Variants in CTNNA3 observed in about 807,000 individuals in gnomAD.
CTNNA3 encodes catenin alpha 3, also known as catenin alpha-3.
Under a neutral mutation model 95.7 loss-of-function variants are expected in CTNNA3, and 76 were observed. That is an observed-to-expected ratio of 0.79 (90% confidence interval 0.66 to 0.96). The LOEUF is 0.96. Ranked by LOEUF, CTNNA3 falls within the 40% of genes least tolerant of loss-of-function variation. The pLI, the probability that CTNNA3 is intolerant of heterozygous loss-of-function variation, is 0.00. For synonymous variants in CTNNA3, 431 were observed against 374.4 expected (o/e 1.15, Z -1.74); for missense variants, 1,191 against 1,089.8 (o/e 1.09, Z -1.31).
At chr10:67,145,594 C>G (rs1453059894) in intron 7 of CTNNA3, among the ~76,000 whole-genome samples, 1 of 151,850 alleles carries the variant, frequency 6.6e-6, no homozygotes, top group Non-Finnish European at 1.5e-5. Context: ...CCATGCCTGG[C>G]TAATTTTTGT....
intron 10 of CTNNA3, among the ~76,000 whole-genome samples, chr10:66,597,547 TATATATA>T (rs1564558057): frequency 7.6e-6 from 1 of 130,930 alleles, no homozygotes; most frequent in African/African-American, 2.8e-5. Context: ...TATATATATA[TATATATA>T]TTTATTAAAA....
At chr10:67,533,852 G>A (rs896935971) in intron 4 of CTNNA3, among the ~76,000 whole-genome samples, 1 of 151,990 alleles carries the variant, frequency 6.6e-6, no homozygotes, top group Non-Finnish European at 1.5e-5. Flanking sequence ...GCTATTAAAA[G>A]AGAGTAACAT....
In CTNNA3 at chr10:67,599,318, T is replaced by A. The variant is rs1843012100; in HGVS notation, c.292+7539A>T. On this transcript the variant is annotated intron_variant, in intron 3 of 17. Coordinates refer to ENST00000433211, the MANE Select transcript of CTNNA3 (RefSeq NM_013266.4). Reference sequence around the variant, plus strand: ...TCACCCAAACAAGAATCCAAAATACTTATAGTCTATTTTCTATGCTGTCAA... The same window carrying A: ...TCACCCAAACAAGAATCCAAAATACATATAGTCTATTTTCTATGCTGTCAA... Among the ~76,000 whole-genome samples the A allele has an allele frequency of 2.0e-5, 3 of 152,214 alleles. No homozygotes were observed. The South Asian group carries it at 6.2e-4, about 32-fold the overall frequency.
intron 16 of CTNNA3, among the ~76,000 whole-genome samples, chr10:65,988,063 G>T (rs1285729769): frequency 6.6e-6 from 1 of 151,902 alleles, no homozygotes; most frequent in Non-Finnish European, 1.5e-5. Flanking sequence ...AAAATAAGTT[G>T]GTTAAAGGTA....
chr10:66,985,491 G>T (rs561000349), intron 7 of CTNNA3, among the ~76,000 whole-genome samples: 1 of 152,216 alleles, frequency 6.6e-6, no homozygotes, highest in South Asian at 2.1e-4. Context: ...AGTATACCCA[G>T]CCCTCCTCCT....
chr10:67,380,501 A>T (rs1223664334), intron 5 of CTNNA3, among the ~76,000 whole-genome samples: 1 of 152,256 alleles, frequency 6.6e-6, no homozygotes, highest in Non-Finnish European at 1.5e-5. Context: ...TTAGTACCTA[A>T]AATATCATAG....
At chr10:67,524,769 A>C (rs915681714) in intron 4 of CTNNA3, among the ~76,000 whole-genome samples, 5 of 152,294 alleles carry the variant, frequency 3.3e-5, no homozygotes, top group Non-Finnish European at 7.3e-5. Flanking sequence ...CCCCACCTGC[A>C]CACATGTACG....
chr10:66,409,168 T>G (rs1012489556), intron 11 of CTNNA3, among the ~76,000 whole-genome samples: 1 of 152,072 alleles, frequency 6.6e-6, no homozygotes, highest in Non-Finnish European at 1.5e-5. Flanking sequence ...TGGCTTCAAA[T>G]CAAATAGTTA....
At chr10:66,742,035 G>A (rs888439280) in intron 9 of CTNNA3, among the ~76,000 whole-genome samples, 2 of 152,204 alleles carry the variant, frequency 1.3e-5, no homozygotes, top group African/African-American at 4.8e-5. Flanking sequence ...GCAATGTTCA[G>A]GGAACAAGAG....
intron 5 of CTNNA3, among the ~76,000 whole-genome samples, chr10:67,288,312 G>T (rs944206221): frequency 3.3e-5 from 5 of 152,128 alleles, no homozygotes; most frequent in Non-Finnish European, 5.9e-5. Flanking sequence ...ACAGATGATG[G>T]CTGTGTGAAC....
chr10:67,703,190 C>G (rs1841055123), intron 1 of CTNNA3, among the ~76,000 whole-genome samples: 1 of 152,138 alleles, frequency 6.6e-6, no homozygotes. Flanking sequence ...CGAATTCTAC[C>G]AGAGGTACAA....
At chr10:67,253,326 T>C (rs1866184820) in intron 5 of CTNNA3, among the ~76,000 whole-genome samples, 1 of 152,212 alleles carries the variant, frequency 6.6e-6, no homozygotes, top group South Asian at 2.1e-4. Context: ...CAATGTTTAA[T>C]TCAAAACTCA....
At chr10:67,499,294 T>C (rs1446583076) in intron 5 of CTNNA3, among the ~76,000 whole-genome samples, 1 of 152,184 alleles carries the variant, frequency 6.6e-6, no homozygotes, top group East Asian at 1.9e-4. Flanking sequence ...GACTTGATCA[T>C]GGTGGATAAG....
intron 5 of CTNNA3, among the ~76,000 whole-genome samples, chr10:67,497,157 C>T (rs149503778): frequency 2.9e-3 from 447 of 152,250 alleles, no homozygotes; most frequent in African/African-American, 9.9e-3. Flanking sequence ...TGTTCAATTC[C>T]TACTTAGGAG....
intron 5 of CTNNA3, among the ~76,000 whole-genome samples, chr10:67,231,093 G>T (rs991116698): frequency 7.9e-5 from 12 of 152,306 alleles, no homozygotes; most frequent in Non-Finnish European, 1.5e-4. Context: ...CAGCGAGGCT[G>T]GGGGAGGGGC....
chr10:67,554,111 A>G (rs1297758529), intron 3 of CTNNA3, among the ~76,000 whole-genome samples: 3 of 152,236 alleles, frequency 2.0e-5, no homozygotes, highest in Non-Finnish European at 4.4e-5. Context: ...ATGGCTGCAT[A>G]GTATTCCATG....
chr10:66,866,888 G>C (rs1013358386), intron 7 of CTNNA3, among the ~76,000 whole-genome samples: 7 of 152,144 alleles, frequency 4.6e-5, no homozygotes, highest in Non-Finnish European at 1.0e-4. Flanking sequence ...ATAATTCCCA[G>C]ATATTGTGGG....
chr10:65,933,152 A>T (rs1431006876), intron 17 of CTNNA3, among the ~76,000 whole-genome samples: 3 of 152,272 alleles, frequency 2.0e-5, no homozygotes, highest in African/African-American at 7.2e-5. Context: ...CAATATAATG[A>T]TAATAGCACA....
At position 66,767,847 on chromosome 10, in the gene CTNNA3, T is replaced by C. The variant is rs12242386; in HGVS notation, c.1129-1431A>G. On this transcript the variant is annotated intron_variant, in intron 8 of 17. Transcript: ENST00000433211. ...GCTTGCTCAGAAGCATTGTGAAATT[T>C]TCTGACTATCAACAATTTAAGAAAG... Among the ~76,000 whole-genome samples, 1,340 of 152,326 alleles carry C rather than the reference T, an allele frequency of 8.8e-3. 19 individuals are homozygous for C. Among genetic ancestry groups the C allele is most frequent in the African/African-American group, 0.031 (1,279 of 41,584 alleles).
Sources: allele counts gnomAD v4.1 joint callset (sites outside exome capture counted in the v4.1 genomes callset), GRCh38; gene constraint gnomAD v4.1.1; transcripts MANE v1.5; gene names NCBI Gene and HGNC (gene_info 2026-07-23, HGNC 2026-07-21).